The following CPAP variants were observed in gnomAD, a reference collection of about 807,000 sequenced individuals.
CPAP encodes centrosome assembly and centriole elongation protein.
the CPAP span, among the ~76,000 whole-genome samples, chr13:24,891,275 C>T: frequency 6.6e-6 from 1 of 152,230 alleles, no homozygotes; most frequent in Admixed American, 6.5e-5. Flanking sequence ...ATCTGCTCCT[C>T]CCTGCCTACT....
the CPAP span, chr13:24,889,252 G>T: frequency 3.9e-6 from 4 of 1,036,660 alleles, no homozygotes; most frequent in South Asian, 5.1e-5. Flanking sequence ...TTATTAAGTT[G>T]GGTATAAATT....
At chr13:24,910,167 C>T in the CPAP span, 4 of 1,244,698 alleles carry the variant, frequency 3.2e-6, no homozygotes, top group South Asian at 4.8e-5. Flanking sequence ...CCCCACCCCA[C>T]AAAGACTTCT....
chr13:24,898,882 G>A, the CPAP span, among the ~76,000 whole-genome samples: 1 of 152,250 alleles, frequency 6.6e-6, no homozygotes, highest in East Asian at 1.9e-4. Flanking sequence ...TTCTTTTATA[G>A]TTAGTTGTGT....
chr13:24,901,178 C>T, the CPAP span, among the ~76,000 whole-genome samples: 1 of 152,230 alleles, frequency 6.6e-6, no homozygotes, highest in Non-Finnish European at 1.5e-5. Context: ...AAATGTCGAC[C>T]GTGTGCACAC....
At chr13:24,932,716 C>T in the CPAP span, among the ~76,000 whole-genome samples, 1 of 148,532 alleles carries the variant, frequency 6.7e-6, no homozygotes. Flanking sequence ...TTGAGTCACA[C>T]AATCTGTAAC....
At chr13:24,898,116 G>A in the CPAP span, among the ~76,000 whole-genome samples, 4 of 152,064 alleles carry the variant, frequency 2.6e-5, no homozygotes, top group Admixed American at 6.6e-5. Context: ...GGCTGGTCTC[G>A]AACTCCTGAC....
the CPAP span, among the ~76,000 whole-genome samples, chr13:24,919,653 C>G: frequency 7.9e-5 from 12 of 152,368 alleles, no homozygotes; most frequent in East Asian, 2.1e-3. Context: ...CTCCTGGGCT[C>G]AAGCCATTCT....
the CPAP span, chr13:24,905,612 T>C: frequency 1.2e-6 from 2 of 1,614,094 alleles, no homozygotes; most frequent in African/African-American, 1.3e-5. Context: ...AACAACATCA[T>C]GGTTACACAA....
At chr13:24,932,936 A>AT in the CPAP span, 313,340 of 1,063,686 alleles carry the variant, frequency 0.29, 47,933 homozygotes, top group Admixed American at 0.42. Flanking sequence ...GTTTGTATGT[A>AT]TAACAATTCT....
chr13:24,933,052 T>C, the CPAP span: 1 of 1,589,772 alleles, frequency 6.3e-7, no homozygotes, highest in Non-Finnish European at 8.6e-7. Context: ...GAAAGTGAAG[T>C]ACTTACCTCG....
At chr13:24,894,346 A>G in the CPAP span, among the ~76,000 whole-genome samples, 1 of 152,210 alleles carries the variant, frequency 6.6e-6, no homozygotes, top group Non-Finnish European at 1.5e-5. Flanking sequence ...TTTCTGTCAG[A>G]ACAGCAAGGA....
the CPAP span, among the ~76,000 whole-genome samples, chr13:24,887,605 C>G: frequency 1.3e-5 from 2 of 152,196 alleles, no homozygotes; most frequent in African/African-American, 2.4e-5. Flanking sequence ...GGAAAACAAG[C>G]TCAGGGCTCC....
the CPAP span, among the ~76,000 whole-genome samples, chr13:24,916,193 G>A: frequency 4.1e-4 from 62 of 152,260 alleles, 2 homozygotes; most frequent in South Asian, 0.012. Flanking sequence ...TGGAGAAAGG[G>A]GAGAATTGCT....
At chr13:24,903,398 T>A in the CPAP span, among the ~76,000 whole-genome samples, 1 of 152,162 alleles carries the variant, frequency 6.6e-6, no homozygotes, top group Non-Finnish European at 1.5e-5. Context: ...GAATGCCATG[T>A]GAAGACACAC....
the CPAP span, among the ~76,000 whole-genome samples, chr13:24,927,516 C>T: frequency 9.9e-5 from 15 of 152,180 alleles, no homozygotes; most frequent in Admixed American, 2.0e-4. Context: ...CCCTTCCCCC[C>T]GCAGTGATTC....
At chr13:24,923,522 T>C in the CPAP span, among the ~76,000 whole-genome samples, 4 of 152,338 alleles carry the variant, frequency 2.6e-5, no homozygotes, top group African/African-American at 9.6e-5. Flanking sequence ...TCAAGAAATT[T>C]TTTTGTTTTG....
chr13:24,903,784 A>T, the CPAP span: 1 of 973,304 alleles, frequency 1.0e-6, no homozygotes, highest in East Asian at 2.4e-5. Context: ...TCAGTAAAAA[A>T]AACTTATATG....
At chr13:24,892,376 T>C in the CPAP span, among the ~76,000 whole-genome samples, 1 of 152,146 alleles carries the variant, frequency 6.6e-6, no homozygotes, top group Non-Finnish European at 1.5e-5. Context: ...AAAATAGATA[T>C]CACATAAAAT....
chr13:24,928,280 G>C, the CPAP span, among the ~76,000 whole-genome samples: 2 of 152,292 alleles, frequency 1.3e-5, no homozygotes, highest in Admixed American at 6.5e-5. Flanking sequence ...AGGTGATCCG[G>C]GCTAGAAAGG....
Sources: allele counts gnomAD v4.1 joint callset (sites outside exome capture counted in the v4.1 genomes callset), GRCh38; gene constraint gnomAD v4.1.1; transcripts MANE v1.5; gene names NCBI Gene and HGNC (gene_info 2026-07-23, HGNC 2026-07-21).